Variants in AIFM1 observed in about 807,000 individuals in gnomAD.
AIFM1 encodes apoptosis inducing factor mitochondria associated 1, also known as apoptosis-inducing factor 1, mitochondrial.
In AIFM1, 3 loss-of-function variants were observed where a neutral mutation model predicts 51.7. The ratio of observed to expected loss-of-function variants is 0.06; its 90% CI spans 0.03 to 0.15. The LOEUF (loss-of-function observed/expected upper bound fraction) is 0.15, where lower values mean the gene tolerates loss of function less well. AIFM1 is among the 10% of genes least tolerant of loss of function. AIFM1 has a pLI of 1.00. For missense variants in AIFM1, 330 were observed against 476.8 expected (o/e 0.69, Z 2.87); for synonymous variants, 178 against 179.4 (o/e 0.99, Z 0.06).
At chrX:130,129,653 G>T in intron 15 of AIFM1, 25 bp from the exon 16 acceptor site, 1 of 1,180,535 alleles carries the variant, frequency 8.5e-7, no homozygotes, top group East Asian at 3.0e-5. Context: ...GTAACAATAG[G>T]TCCCTAACTT....
intron 6 of AIFM1, among the ~76,000 whole-genome samples, chrX:130,144,818 G>A (rs773612712): frequency 6.2e-5 from 7 of 112,445 alleles, no homozygotes; most frequent in Admixed American, 2.8e-4. Flanking sequence ...TCTCATTACC[G>A]GCTTATCAAC....
chrX:130,148,410 A>C (rs1388453509), intron 3 of AIFM1, among the ~76,000 whole-genome samples: 1 of 111,962 alleles, frequency 8.9e-6, no homozygotes, highest in Non-Finnish European at 1.9e-5. Flanking sequence ...CTGAAAATTG[A>C]AGTGAATCAT....
At position 130,130,065 on chromosome X, in the gene AIFM1, C is replaced by T; in HGVS notation, c.1675G>A (p.Asp559Asn). The change falls in exon 15 of 16, where the codon GAC becomes AAC. Residue 559 changes from aspartate (D) to asparagine (N), a missense_variant. Physicochemically the swap from Asp to Asn is conservative, Grantham distance 23. This residue lies in a region of AIFM1 where 56 missense variants were observed against 48.8 expected (regional missense o/e 1.15). Transcript: ENST00000287295. ...TAGAAGATGACACCTTTGCCGTAGTCCTCCCCCTGGACGGGAGCCTGTGGA... is the reference window on the plus strand; with the variant it reads ...TAGAAGATGACACCTTTGCCGTAGTTCTCCCCCTGGACGGGAGCCTGTGGA... ...AVPQAPVQGE[D>N]YGKGVIFYLR... The T allele has an allele frequency of 8.3e-7, 1 of 1,211,825 alleles. No individual in the cohort carries two copies.
At chrX:130,156,824 T>C (rs982746895) in intron 1 of AIFM1, among the ~76,000 whole-genome samples, 2 of 111,640 alleles carry the variant, frequency 1.8e-5, no homozygotes, top group Admixed American at 1.9e-4. Context: ...TTTAATGCTG[T>C]CCAGTGAGAA....
chrX:130,151,979 C>T, intron 2 of AIFM1, among the ~76,000 whole-genome samples: 1 of 110,185 alleles, frequency 9.1e-6, no homozygotes, highest in South Asian at 3.9e-4. Flanking sequence ...GTGGCGGCTG[C>T]AGTGAGCCGA....
chrX:130,134,248 G>GA (rs1326934809), intron 12 of AIFM1, among the ~76,000 whole-genome samples: 4 of 106,998 alleles, frequency 3.7e-5, no homozygotes, highest in Non-Finnish European at 5.8e-5. Context: ...AAAAAAAAAA[G>GA]AAAAAAAAAT....
At chrX:130,150,546 G>A (rs1384269665) in intron 2 of AIFM1, among the ~76,000 whole-genome samples, 5 of 103,798 alleles carry the variant, frequency 4.8e-5, no homozygotes, top group Non-Finnish European at 9.9e-5. Context: ...CGTTTTAGCC[G>A]GGATGGTCTC....
chrX:130,130,179 C>A lies in AIFM1; in HGVS notation c.1574-13G>T. ...CGGATACCAGTTCCTGTGGCCAGCC[C>A]CCAAAACAAATAAACATGGAAGCAA... On this transcript the variant is annotated splice_polypyrimidine_tract_variant and intron_variant, in intron 14 of 15. Coordinates refer to ENST00000287295, the MANE Select transcript of AIFM1 (RefSeq NM_004208.4). 8.3e-7 allele frequency: 1 copy of A among 1,210,936 alleles called. No individual in the cohort carries two copies. Among genetic ancestry groups the A allele is most frequent in the Non-Finnish European group, 1.1e-6 (1 of 894,834 alleles).
At chrX:130,146,639 T>C (rs1157975445) in intron 5 of AIFM1, among the ~76,000 whole-genome samples, 1 of 110,449 alleles carries the variant, frequency 9.1e-6, no homozygotes, top group Non-Finnish European at 1.9e-5. Context: ...GAAAAAAAAT[T>C]GGAACCCAAA....
chrX:130,157,308 T>C (rs759106000), intron 1 of AIFM1, among the ~76,000 whole-genome samples: 1 of 112,578 alleles, frequency 8.9e-6, no homozygotes, highest in African/African-American at 3.2e-5. Context: ...GTGATGATCA[T>C]AACAGCACCT....
At chrX:130,139,717 G>A (rs1460279184) in intron 8 of AIFM1, 78 bp downstream of exon 8, 10 of 966,348 alleles carry the variant, frequency 1.0e-5, no homozygotes, top group South Asian at 5.8e-5. Context: ...CCCAAGTCCC[G>A]GGTGGGCACT....
chrX:130,134,442 CT>C (rs1313726204), intron 12 of AIFM1, among the ~76,000 whole-genome samples: 1 of 110,634 alleles, frequency 9.0e-6, no homozygotes, highest in African/African-American at 3.3e-5. Flanking sequence ...TCTTAGATTT[CT>C]TTTTGTCACT....
chrX:130,137,193 G>A lies in AIFM1; in HGVS notation c.968-8C>T, dbSNP rs1353833575. 27 of 1,209,127 alleles carry A rather than the reference G, an allele frequency of 2.2e-5. No homozygotes were observed. The highest frequency in any genetic ancestry group is 3.0e-5 in the Non-Finnish European group (27 of 895,157). On this transcript the variant is annotated splice_region_variant and splice_polypyrimidine_tract_variant and intron_variant, in intron 9 of 15. Coordinates refer to ENST00000287295, the MANE Select transcript of AIFM1 (RefSeq NM_004208.4). The stretch of plus-strand genomic sequence containing the variant: ...CTGTGCCCAAGGCTCGAGCTGGGAA[G>A]AAGAAACAGAGTAGTTACAGCAGGA...
At chrX:130,131,921 G>T in intron 13 of AIFM1, 122 bp from the exon 14 acceptor site, 1 of 887,063 alleles carries the variant, frequency 1.1e-6, no homozygotes, top group Non-Finnish European at 1.6e-6. Context: ...GCCCAGGCTG[G>T]AGTGCAATGG....
At chrX:130,161,288 G>A (rs1471144298) in intron 1 of AIFM1, among the ~76,000 whole-genome samples, 3 of 109,862 alleles carry the variant, frequency 2.7e-5, no homozygotes, top group East Asian at 5.8e-4. Flanking sequence ...CGAGGTGGGC[G>A]GATCACGAGG....
Position 130,137,187 on chromosome X carries a change from T to C in AIFM1, c.968-2A>G, listed in dbSNP as rs768155880. ...TCACTTCTGTGCCCAAGGCTCGAGC[T>C]GGGAAGAAGAAACAGAGTAGTTACA... On this transcript the variant is annotated splice_acceptor_variant, in intron 9 of 15. Coordinates refer to ENST00000287295, the MANE Select transcript of AIFM1 (RefSeq NM_004208.4). LOFTEE classifies it high-confidence loss of function. 8.3e-7 allele frequency: 1 copy of C among 1,210,857 alleles called. No homozygotes were observed.
chrX:130,133,484 CAT>C (rs1177524110), intron 12 of AIFM1, 29 bp from the exon 13 acceptor site: 1 of 1,175,092 alleles, frequency 8.5e-7, no homozygotes, highest in African/African-American at 1.8e-5. Flanking sequence ...AACATGAACA[CAT>C]GATAAAAAAA....
chrX:130,136,085 C>T lies in AIFM1; in HGVS notation c.1265G>A (p.Arg422Gln), dbSNP rs724160021. 5.8e-6 allele frequency: 7 copies of T among 1,211,731 alleles called. No homozygotes were observed. Among genetic ancestry groups the T allele is most frequent in the Non-Finnish European group, 7.8e-6 (7 of 895,484 alleles). ...GCGTGCTTGTAGCTCTGCATTTACC[C>T]GGAAGCCACCAAAATCTGAGTCTAT... ...LEIDSDFGGF[R>Q]VNAELQARSN... Residue 422 changes from arginine to glutamine, a missense_variant, in exon 12 of 16, where the codon CGG (arginine) becomes CAG (glutamine). By Grantham distance (43) the Arg-to-Gln change is conservative (BLOSUM62 1). Around this residue, in one of 4 missense-constraint regions of AIFM1, gnomAD observed 152 missense variants for 292.8 expected, o/e 0.52. Transcript: ENST00000287295.
In AIFM1 at chrX:130,129,530, T is replaced by G. The variant is rs1160981358; in HGVS notation, c.*27A>C. ...TTCGACCTCCTCTCAGGGGCTGCAG[T>G]GGGTTTGCCAATTCCACTGTGGGGC... On this transcript the variant is annotated 3_prime_UTR_variant, in exon 16 of 16. Transcript: ENST00000287295. The G allele has an allele frequency of 8.4e-7, 1 of 1,195,352 alleles. No individual in the cohort carries two copies. The highest frequency in any genetic ancestry group is 1.8e-5 in the South Asian group (1 of 56,635).
Sources: allele counts gnomAD v4.1 joint callset (sites outside exome capture counted in the v4.1 genomes callset), GRCh38; gene constraint gnomAD v4.1.1; regional missense constraint gnomAD v4.1.1; transcripts MANE v1.5; gene names NCBI Gene and HGNC (gene_info 2026-07-23, HGNC 2026-07-21).